SNX29: variants seen among roughly 807,000 people sequenced by gnomAD.
SNX29 encodes the protein sorting nexin-29.
SNX29 carries 78 observed loss-of-function variants against 102.1 expected under a neutral mutation model. That is an observed-to-expected ratio of 0.76 (90% CI 0.64 to 0.92). SNX29 has a LOEUF of 0.92. Among genes scored for constraint, SNX29 ranks in the 40% least tolerant of loss-of-function variants. The probability of loss-of-function intolerance (pLI) is 0.00; values close to 1 mark genes in which losing one functional copy is unlikely to be tolerated. For missense variants in SNX29, 1,280 were observed against 1,061.7 expected (o/e 1.21, Z -2.86); for synonymous variants, 580 against 414.5 (o/e 1.40, Z -4.85).
In SNX29 at chr16:12,569,553, GATC is replaced by G. The variant is rs2079140951; in HGVS notation, c.*927_*929del. On this transcript the variant is annotated 3_prime_UTR_variant, in exon 21 of 21. Transcript: ENST00000566228. ...TTGGACCCAGTGTGGACACTTAACAGATCATGTGTCTCTCCACTAAAAACATTT... is the reference window on the plus strand; with the variant it reads ...TTGGACCCAGTGTGGACACTTAACAGATGTGTCTCTCCACTAAAAACATTT... 1 of 231,264 alleles carries G rather than the reference GATC, an allele frequency of 4.3e-6. No individual in the cohort carries two copies. The highest frequency in any genetic ancestry group is 1.8e-4 in the South Asian group (1 of 5,512). 14.3% of individuals were successfully genotyped at this position (231,264 alleles called of 1,614,324 possible). A position where few individuals can be genotyped will look rare whatever the true frequency, so the allele number is the denominator to read the frequency against.
intron 18 of SNX29, among the ~76,000 whole-genome samples, chr16:12,431,852 C>T (rs2085330220): frequency 6.6e-6 from 1 of 152,182 alleles, no homozygotes; most frequent in Non-Finnish European, 1.5e-5. Context: ...CTTGTTCCTT[C>T]ATTCATTTGT....
At position 12,408,157 on chromosome 16, in the gene SNX29, C is replaced by CAAAAAAAA. The variant is rs1555530421; in HGVS notation, c.2037+4635_2037+4636insAAAAAAAA. Among the ~76,000 whole-genome samples, 561 of 142,600 alleles carry CAAAAAAAA rather than the reference C, an allele frequency of 3.9e-3. 11 individuals carry two copies. Among genetic ancestry groups the CAAAAAAAA allele is most frequent in the African/African-American group, 9.6e-3 (344 of 35,900 alleles). 93.6% of individuals were successfully genotyped at this position (142,600 alleles called of 152,430 possible). On this transcript the variant is annotated intron_variant, in intron 18 of 20. Transcript: ENST00000566228. ...CTGGGTGGCAGAGCAGGACCCTTCTCAAAAAAACAAACAAACAAACAAAAA... is the reference window on the plus strand; with the variant it reads ...CTGGGTGGCAGAGCAGGACCCTTCTCAAAAAAAAAAAAAAACAAACAAACAAACAAAAA...
At chr16:12,163,503 C>G (rs893169531) in intron 13 of SNX29, among the ~76,000 whole-genome samples, 1 of 152,152 alleles carries the variant, frequency 6.6e-6, no homozygotes, top group Non-Finnish European at 1.5e-5. Context: ...TCATTATCCT[C>G]TAGGCGATGG....
chr16:12,496,753 C>T (rs543564350), intron 19 of SNX29, among the ~76,000 whole-genome samples: 11 of 152,132 alleles, frequency 7.2e-5, no homozygotes, highest in South Asian at 6.2e-4. Flanking sequence ...TCAAGTGATC[C>T]GCCCGCCTCG....
At chr16:12,444,148 C>G (rs889033160) in intron 18 of SNX29, among the ~76,000 whole-genome samples, 1 of 152,054 alleles carries the variant, frequency 6.6e-6, no homozygotes, top group Admixed American at 6.5e-5. Flanking sequence ...GTAGTAAGCA[C>G]TCAGTATAGC....
rs1041006805 is a variant in SNX29 at position 12,571,540 on chromosome 16, T to G, written c.*2911T>G. ...TTGGATTCCTGGGACCACCCTTTGC[T>G]GGGAGGAAGAATCCACACCGAATCC... On this transcript the variant is annotated 3_prime_UTR_variant, in exon 21 of 21. Transcript: ENST00000566228. 4.3e-6 allele frequency: 4 copies of G among 924,076 alleles called. No homozygotes were observed. The highest frequency in any genetic ancestry group is 4.0e-6 in the Non-Finnish European group (3 of 751,128). The allele number at this position is 924,076 out of a possible 1,614,324, so 57.2% of individuals were successfully genotyped here.
intron 2 of SNX29, among the ~76,000 whole-genome samples, chr16:12,002,174 G>A (rs549122399): frequency 1.3e-5 from 2 of 152,152 alleles, no homozygotes; most frequent in African/African-American, 2.4e-5. Flanking sequence ...AGGGCCGGGC[G>A]CATTGGCTCA....
intron 13 of SNX29, among the ~76,000 whole-genome samples, chr16:12,180,712 C>G (rs1567284521): frequency 6.6e-6 from 1 of 152,164 alleles, no homozygotes; most frequent in Non-Finnish European, 1.5e-5. Flanking sequence ...GTCTCGATCT[C>G]TTGACCTCAT....
At chr16:12,100,563 A>C (rs1199176570) in intron 11 of SNX29, among the ~76,000 whole-genome samples, 1 of 152,160 alleles carries the variant, frequency 6.6e-6, no homozygotes. Flanking sequence ...CTGTCTGCAG[A>C]GGCCTGTCTG....
rs942012182 is a variant in SNX29 at position 11,978,697 on chromosome 16, C to T, written c.7+1884C>T. ...CAAGCTCACAGTTCTGGACCCTTTT[C>T]GTTTTACCTTTAGCACAAGAGACAA... is the stretch of plus-strand genomic sequence containing the variant. On this transcript the variant is annotated intron_variant, in intron 1 of 20. Coordinates refer to ENST00000566228, the MANE Select transcript of SNX29 (RefSeq NM_032167.5). 2.6e-5 allele frequency among the ~76,000 whole-genome samples: 4 copies of T among 152,136 alleles called. No individual in the cohort carries two copies. In the East Asian group the frequency reaches 5.8e-4, roughly 22 times the overall value.
intron 5 of SNX29, among the ~76,000 whole-genome samples, chr16:12,043,518 C>T (rs1000516543): frequency 2.0e-5 from 3 of 151,988 alleles, no homozygotes; most frequent in Admixed American, 2.0e-4. Flanking sequence ...CCATGCCTGG[C>T]TAATTTAAAA....
chr16:11,976,763 A>AGCGGCG lies in SNX29; in HGVS notation c.-37_-32dup, dbSNP rs1316466067. On this transcript the variant is annotated 5_prime_UTR_variant, in exon 1 of 21. Coordinates refer to ENST00000566228, the MANE Select transcript of SNX29 (RefSeq NM_032167.5). ...GGAGCTCGGCAGCCGCAGAAGCGGC[A>AGCGGCG]GCGGCGGCGGCGCGGCGCAGGCACC... The AGCGGCG allele has an allele frequency of 7.0e-6, 9 of 1,287,034 alleles. No homozygotes were observed. Among genetic ancestry groups the AGCGGCG allele is most frequent in the Admixed American group, 3.6e-5 (1 of 27,912 alleles). The allele number at this position is 1,287,034 out of a possible 1,614,324, so 79.7% of individuals were successfully genotyped here.
intron 19 of SNX29, among the ~76,000 whole-genome samples, chr16:12,506,862 CAAA>C (rs2089402311): frequency 7.0e-6 from 1 of 142,886 alleles, no homozygotes; most frequent in Admixed American, 6.9e-5. Flanking sequence ...TCTCATCTTT[CAAA>C]TCTCTTTCCT....
At chr16:12,029,361 T>C (rs1201603876) in intron 4 of SNX29, among the ~76,000 whole-genome samples, 1 of 152,162 alleles carries the variant, frequency 6.6e-6, no homozygotes, top group East Asian at 1.9e-4. Flanking sequence ...TCACTCCAGC[T>C]TGCTACAGGG....
At chr16:12,076,688 T>G (rs566540310) in intron 10 of SNX29, among the ~76,000 whole-genome samples, 1 of 152,334 alleles carries the variant, frequency 6.6e-6, no homozygotes, top group South Asian at 2.1e-4. Flanking sequence ...CAAAGTCTTA[T>G]GCCACTGCCA....
In SNX29 at chr16:12,560,746, C is replaced by T. The variant is rs532117115; in HGVS notation, c.2319-7760C>T. The T allele has an allele frequency of 3.5e-5, 6 of 170,810 alleles. No individual in the cohort carries two copies. The South Asian group carries it at 8.1e-4, about 23-fold the overall frequency. The allele number at this position is 170,810 out of a possible 1,614,324, so 10.6% of individuals were successfully genotyped here. ...TTCAACATCAAAACCAACCTCTGCT[C>T]CTGATTAGCCATAGGATTTACCCTC... On this transcript the variant is annotated intron_variant, in intron 20 of 20. Coordinates refer to ENST00000566228, the MANE Select transcript of SNX29 (RefSeq NM_032167.5).
intron 11 of SNX29, among the ~76,000 whole-genome samples, chr16:12,102,008 C>T (rs2053043278): frequency 6.6e-6 from 1 of 152,096 alleles, no homozygotes; most frequent in South Asian, 2.1e-4. Context: ...TGAGTGAGAA[C>T]ATGCGGTGTT....
intron 15 of SNX29, among the ~76,000 whole-genome samples, chr16:12,294,578 C>CG (rs1219808328): frequency 4.6e-5 from 7 of 152,188 alleles, no homozygotes; most frequent in Non-Finnish European, 1.0e-4. Flanking sequence ...CTCATGCTGC[C>CG]GCCATCATGG....
intron 16 of SNX29, among the ~76,000 whole-genome samples, chr16:12,378,744 G>C (rs2082968886): frequency 6.6e-6 from 1 of 152,176 alleles, no homozygotes; most frequent in Non-Finnish European, 1.5e-5. Flanking sequence ...AGAGACCTGG[G>C]ATATCATGGA....
Sources: gnomAD v4.1 joint callset for allele counts (sites outside exome capture counted in the v4.1 genomes callset) on GRCh38, gnomAD v4.1.1 for gene constraint, MANE v1.5 for transcripts, NCBI Gene and HGNC (gene_info 2026-07-23, HGNC 2026-07-21) for gene names.